Variants in KCNK10 observed in about 807,000 individuals in gnomAD.
The protein encoded by KCNK10 is potassium two pore domain channel subfamily K member 10, also known as potassium channel subfamily K member 10.
Under a neutral mutation model 47.7 loss-of-function variants are expected in KCNK10, and 25 were observed. The ratio of observed to expected loss-of-function variants is 0.52; its 90% CI spans 0.38 to 0.73. KCNK10 has a LOEUF of 0.73. KCNK10 is among the 30% of genes least tolerant of loss of function. The probability of loss-of-function intolerance (pLI) is 0.00; values close to 1 mark genes in which losing one functional copy is unlikely to be tolerated. For missense variants in KCNK10, 563 were observed against 714.5 expected, an observed-to-expected ratio of 0.79 and a Z score of 2.42; for synonymous variants, 303 against 285.6, an observed-to-expected ratio of 1.06 and a Z score of -0.61.
Position 88,202,790 on chromosome 14 carries a change from C to T in KCNK10, c.682-10380G>A, listed in dbSNP as rs569819547. 4.6e-4 allele frequency among the ~76,000 whole-genome samples: 38 copies of T among 83,126 alleles called. No homozygotes were observed. The East Asian group carries it at 4.9e-3, about 11-fold the overall frequency. The allele number at this position is 83,126 out of a possible 152,430, so 54.5% of individuals were successfully genotyped here. A position where few individuals can be genotyped will look rare whatever the true frequency, so the allele number is the denominator to read the frequency against. ...AGATCTTCCTAGAGTCTTCCGGTTG[C>T]GGGGGGTGGGTGGTGGGAAGCAAAA... On this transcript the variant is annotated intron_variant, in intron 4 of 6. Coordinates refer to ENST00000319231, the MANE Select transcript of KCNK10 (RefSeq NM_138317.3).
At chr14:88,241,135 C>CA (rs1051113386) in intron 2 of KCNK10, among the ~76,000 whole-genome samples, 3 of 152,160 alleles carry the variant, frequency 2.0e-5, no homozygotes, top group East Asian at 1.9e-4. Context: ...TATACACACA[C>CA]AAAAAATGTC....
chr14:88,268,714 T>C (rs1174482699), intron 1 of KCNK10, among the ~76,000 whole-genome samples: 1 of 152,214 alleles, frequency 6.6e-6, no homozygotes, highest in Non-Finnish European at 1.5e-5. Context: ...AACGTATCAA[T>C]AATGAATGGA....
At chr14:88,320,694 C>T (rs1041217087) in intron 1 of KCNK10, among the ~76,000 whole-genome samples, 4 of 152,180 alleles carry the variant, frequency 2.6e-5, no homozygotes, top group African/African-American at 9.7e-5. Flanking sequence ...CAGCTCTCTA[C>T]TCCGTCCGCT....
At chr14:88,194,554 A>G (rs771825337) in intron 4 of KCNK10, among the ~76,000 whole-genome samples, 2 of 152,214 alleles carry the variant, frequency 1.3e-5, no homozygotes, top group Non-Finnish European at 2.9e-5. Flanking sequence ...AATCTAAATG[A>G]GGTTGAGGTT....
At chr14:88,250,367 G>A (rs1330318685) in intron 2 of KCNK10, among the ~76,000 whole-genome samples, 1 of 152,130 alleles carries the variant, frequency 6.6e-6, no homozygotes, top group African/African-American at 2.4e-5. Flanking sequence ...CTGGTGAAAG[G>A]GCAGCTCTTC....
chr14:88,266,253 G>A (rs775283479), intron 1 of KCNK10, among the ~76,000 whole-genome samples: 5 of 152,178 alleles, frequency 3.3e-5, no homozygotes, highest in Non-Finnish European at 7.3e-5. Context: ...GCGTCAAATG[G>A]CAAACAGTTT....
Position 88,260,316 on chromosome 14 carries a change from C to T in KCNK10, c.402+2886G>A, listed in dbSNP as rs1282004755. On this transcript the variant is annotated intron_variant, in intron 2 of 6. Coordinates refer to ENST00000319231, the MANE Select transcript of KCNK10 (RefSeq NM_138317.3). The surrounding 1 kb of genome is among the most constrained non-coding windows in gnomAD (Gnocchi z 4.5). ...TTCCTCCTGCTCCAGCCATATAGGACATGCCTGCCTCCCCTTCGTCTTCTG... is the reference window on the plus strand; with the variant it reads ...TTCCTCCTGCTCCAGCCATATAGGATATGCCTGCCTCCCCTTCGTCTTCTG... Among the ~76,000 whole-genome samples the T allele has an allele frequency of 6.6e-6, 1 of 152,182 alleles. No individual in the cohort carries two copies. Among genetic ancestry groups the T allele is most frequent in the African/African-American group, 2.4e-5 (1 of 41,450 alleles).
intron 1 of KCNK10, among the ~76,000 whole-genome samples, chr14:88,291,620 C>T (rs1595124973): frequency 6.6e-6 from 1 of 152,284 alleles, no homozygotes; most frequent in East Asian, 1.9e-4. Context: ...GAATGCACTG[C>T]TACAGGTAGG....
At chr14:88,274,134 C>A (rs530159930) in intron 1 of KCNK10, among the ~76,000 whole-genome samples, 1 of 149,970 alleles carries the variant, frequency 6.7e-6, no homozygotes, top group Non-Finnish European at 1.5e-5. Context: ...CCACAAGCAC[C>A]GCCATGGTTC....
intron 1 of KCNK10, among the ~76,000 whole-genome samples, chr14:88,318,559 G>A (rs536950341): frequency 3.2e-4 from 48 of 152,336 alleles, no homozygotes; most frequent in Non-Finnish European, 5.6e-4. Context: ...GGACATCTGA[G>A]CTGAGATTCA....
rs1387612188 is a variant in KCNK10 at position 88,185,686 on chromosome 14, TC to T, written c.1480del (p.Glu494ArgfsTer16). 6.2e-7 allele frequency: 1 copy of T among 1,614,184 alleles called. No homozygotes were observed. ...GTCTGAGTTACACATCTTTTCCGTC[TC>T]CTCCTCTTTCTTCTCCTCGTCCAGG... Reference protein sequence around the residue: ...YSLDEEKKEEETEKMCNSDNS... With the variant: ...YSLDEEKKEEXTEKMCNSDNS... On this transcript the variant is annotated frameshift_variant, in exon 7 of 7. Transcript: ENST00000319231. LOFTEE classifies it high-confidence loss of function. This position sits in a 1 kb window ranked among gnomAD's most constrained non-coding sequence, Gnocchi z 4.3.
At chr14:88,291,783 A>G (rs1275981533) in intron 1 of KCNK10, among the ~76,000 whole-genome samples, 2 of 152,240 alleles carry the variant, frequency 1.3e-5, no homozygotes, top group African/African-American at 2.4e-5. Context: ...ATGCAGGCTG[A>G]GGAGGGTAGG....
intron 4 of KCNK10, among the ~76,000 whole-genome samples, chr14:88,194,896 G>A (rs1442317166): frequency 6.6e-6 from 1 of 152,100 alleles, no homozygotes; most frequent in Non-Finnish European, 1.5e-5. Flanking sequence ...TCTTGCATGT[G>A]TATGTGTGTG....
At chr14:88,320,591 G>A (rs541200095) in intron 1 of KCNK10, among the ~76,000 whole-genome samples, 1 of 152,230 alleles carries the variant, frequency 6.6e-6, no homozygotes, top group South Asian at 2.1e-4. Context: ...CTTCAAGACT[G>A]GTCCTGCCCT....
intron 3 of KCNK10, among the ~76,000 whole-genome samples, chr14:88,231,005 G>C (rs1033190332): frequency 3.9e-5 from 6 of 152,032 alleles, no homozygotes; most frequent in African/African-American, 1.4e-4. Context: ...AAATCAAGTG[G>C]GGCTCACACT....
intron 1 of KCNK10, among the ~76,000 whole-genome samples, chr14:88,266,367 C>T (rs1229007787): frequency 6.6e-6 from 1 of 152,186 alleles, no homozygotes; most frequent in Non-Finnish European, 1.5e-5. Context: ...ACCCCTTCCC[C>T]ACCCTCATCT....
intron 4 of KCNK10, among the ~76,000 whole-genome samples, chr14:88,211,308 T>A (rs966374670): frequency 6.6e-6 from 1 of 151,986 alleles, no homozygotes; most frequent in Non-Finnish European, 1.5e-5. Flanking sequence ...AGTGGTGAAA[T>A]TCATAGACAC....
chr14:88,316,916 A>T (rs1209240255), intron 1 of KCNK10, among the ~76,000 whole-genome samples: 1 of 152,204 alleles, frequency 6.6e-6, no homozygotes, highest in Admixed American at 6.5e-5. Flanking sequence ...AGACTATATT[A>T]TATTTTTTAA....
At chr14:88,309,407 G>A (rs1888266270) in intron 1 of KCNK10, among the ~76,000 whole-genome samples, 1 of 152,120 alleles carries the variant, frequency 6.6e-6, no homozygotes, top group Non-Finnish European at 1.5e-5. Context: ...TTCGAGACCA[G>A]CCTGGGCAAC....
Sources: gnomAD v4.1 joint callset for allele counts (sites outside exome capture counted in the v4.1 genomes callset) on GRCh38, gnomAD v4.1.1 for gene constraint, Gnocchi (gnomAD v3.1) non-coding constraint, MANE v1.5 for transcripts, NCBI Gene and HGNC (gene_info 2026-07-23, HGNC 2026-07-21) for gene names.